The following CATSPER1 variants were observed in gnomAD, a reference collection of about 807,000 sequenced individuals.
CATSPER1 encodes the protein cation channel sperm-associated protein 1.
In CATSPER1, 57 loss-of-function variants were observed where a neutral mutation model predicts 72.7. The observed-to-expected ratio is 0.78, with a 90% confidence interval of 0.63 to 0.98. The LOEUF (loss-of-function observed/expected upper bound fraction) is 0.98, where lower values mean the gene tolerates loss of function less well. CATSPER1 is among the 50% of genes least tolerant of loss of function. CATSPER1 has a pLI of 0.00. For synonymous variants in CATSPER1, 363 were observed against 403.0 expected (o/e 0.90, Z 1.19); for missense variants, 910 against 1,033.9 (o/e 0.88, Z 1.64).
Position 66,026,183 on chromosome 11 carries a change from A to T in CATSPER1, c.197T>A (p.Phe66Tyr), listed in dbSNP as rs758055501. The change falls in exon 1 of 12, where the codon TTC becomes TAC. Residue 66 changes from phenylalanine to tyrosine, a missense_variant. Coordinates refer to ENST00000312106, the MANE Select transcript of CATSPER1 (RefSeq NM_053054.4). ...ATGGGAGGACAAGGCTTGGTCGTGG[A>T]AGTCTTGGAACTCCGGAGGGTGGTG... is the stretch of plus-strand genomic sequence containing the variant. Reference protein sequence around the residue: ...ESHHPPEFQDFHDQALSSHVH... With the variant: ...ESHHPPEFQDYHDQALSSHVH... The T allele has an allele frequency of 1.6e-5, 25 of 1,606,520 alleles. No individual in the cohort carries two copies. Among genetic ancestry groups the T allele is most frequent in the Non-Finnish European group, 1.7e-6 (2 of 1,174,018 alleles).
chr11:66,017,243 C>A, intron 10 of CATSPER1, 69 bp from the exon 11 acceptor site: 1 of 1,105,868 alleles, frequency 9.0e-7, no homozygotes, highest in Non-Finnish European at 1.3e-6. Context: ...TACTGCACCC[C>A]AGAACCACCC....
At chr11:66,023,466 G>T (rs140647274) in intron 1 of CATSPER1, among the ~76,000 whole-genome samples, 3 of 152,134 alleles carry the variant, frequency 2.0e-5, no homozygotes, top group Non-Finnish European at 4.4e-5. Context: ...ACACAAGCCC[G>T]GATTCCCAGG....
At position 66,017,050 on chromosome 11, in the gene CATSPER1, C is replaced by T. The variant is rs1397262063; in HGVS notation, c.2316+10G>A. ...CCTCGCCGGCCCCTTCCCGCTCCTG[C>T]CTGGTTCACCTCAAATGTGGTGTCC... On this transcript the variant is annotated intron_variant, in intron 11 of 11. Transcript: ENST00000312106. 6.2e-7 allele frequency: 1 copy of T among 1,613,834 alleles called. No individual in the cohort carries two copies. The highest frequency in any genetic ancestry group is 2.2e-5 in the East Asian group (1 of 44,874).
chr11:66,020,023 T>C lies in CATSPER1; in HGVS notation c.2125+117A>G. ...ACTAAAGTCCTCCTGAGTCTCAAAT[T>C]CTAAAACTCTAAAACTGAGTCTGGA... On this transcript the variant is annotated intron_variant, in intron 9 of 11. Transcript: ENST00000312106. The surrounding 1 kb of genome is among the most constrained non-coding windows in gnomAD (Gnocchi z 4.5). 8.7e-7 allele frequency: 1 copy of C among 1,143,318 alleles called. No homozygotes were observed. The highest frequency in any genetic ancestry group is 1.3e-6 in the Non-Finnish European group (1 of 783,300). 70.8% of individuals were successfully genotyped at this position (1,143,318 alleles called of 1,614,324 possible).
Position 66,020,339 on chromosome 11 carries a change from C to G in CATSPER1, c.2042G>C (p.Gly681Ala), listed in dbSNP as rs955708654. The G allele has an allele frequency of 6.2e-7, 1 of 1,614,140 alleles. No individual in the cohort carries two copies. The highest frequency in any genetic ancestry group is 8.5e-7 in the Non-Finnish European group (1 of 1,180,044). Residue 681 changes from glycine to alanine, a missense_variant, in exon 8 of 12, where the codon GGC becomes GCC. Physicochemically the swap from Gly to Ala is moderately conservative, Grantham distance 60. Transcript: ENST00000312106. The surrounding 1 kb of genome is among the most constrained non-coding windows in gnomAD (Gnocchi z 4.5). Reference protein sequence around the residue: ...VDSFQTALFKGLEKAKQERAA... With the variant: ...VDSFQTALFKALEKAKQERAA... ...TACCTCCTGCTTCGCTTTCTCAAGG[C>G]CTTTGAACAGCGCCGTCTGGAAGCT...
chr11:66,020,440 G>A lies in CATSPER1; in HGVS notation c.1992-51C>T, dbSNP rs1452741901. ...CTCAGCGAGGAGGCCAGAGGAGAGG[G>A]GCACCCGGTACTTCTTGTGGGTTCA... On this transcript the variant is annotated intron_variant, in intron 7 of 11. Transcript: ENST00000312106. This position sits in a 1 kb window ranked among gnomAD's most constrained non-coding sequence, Gnocchi z 4.5. 6.2e-7 allele frequency: 1 copy of A among 1,610,854 alleles called. No individual in the cohort carries two copies. Among genetic ancestry groups the A allele is most frequent in the Non-Finnish European group, 8.5e-7 (1 of 1,177,260 alleles).
chr11:66,017,070 G>A lies in CATSPER1; in HGVS notation c.2306C>T (p.Thr769Ile). 6.2e-7 allele frequency: 1 copy of A among 1,613,938 alleles called. No individual in the cohort carries two copies. The change falls in exon 11 of 12, where the codon ACC becomes ATC. Residue 769 changes from threonine to isoleucine, a missense_variant. Coordinates refer to ENST00000312106, the MANE Select transcript of CATSPER1 (RefSeq NM_053054.4). ...QAAVIDEIVD[T>I]TFEAGEEDFR... The stretch of plus-strand genomic sequence containing the variant: ...TCCTGCCTGGTTCACCTCAAATGTG[G>A]TGTCCACAATCTCATCGATGACGGC...
At position 66,017,092 on chromosome 11, in the gene CATSPER1, C is replaced by G. The variant is rs142726200; in HGVS notation, c.2284G>C (p.Val762Leu). 1.9e-6 allele frequency: 3 copies of G among 1,569,454 alleles called. No individual in the cohort carries two copies. Among genetic ancestry groups the G allele is most frequent in the Non-Finnish European group, 2.6e-6 (3 of 1,151,548 alleles). ...GTGGTGTCCACAATCTCATCGATGA[C>G]GGCTGCCTGGGAGCGGAACTTCTGC... Reference protein sequence around the residue: ...EQQKFRSQAAVIDEIVDTTFE... With the variant: ...EQQKFRSQAALIDEIVDTTFE... Residue 762 changes from valine to leucine, a missense_variant, in exon 11 of 12, where the codon GTC becomes CTC. By Grantham distance (32) the Val-to-Leu change is conservative (BLOSUM62 1). Coordinates refer to ENST00000312106, the MANE Select transcript of CATSPER1 (RefSeq NM_053054.4).
At chr11:66,022,666 C>T (rs914965332) in intron 2 of CATSPER1, among the ~76,000 whole-genome samples, 183 bp downstream of exon 2, 2 of 152,270 alleles carry the variant, frequency 1.3e-5, no homozygotes, top group Non-Finnish European at 2.9e-5. Flanking sequence ...CCTTCTGTCT[C>T]GGGCCGGCCT....
chr11:66,023,754 T>G (rs1856429978), intron 1 of CATSPER1, among the ~76,000 whole-genome samples: 1 of 151,732 alleles, frequency 6.6e-6, no homozygotes, highest in Non-Finnish European at 1.5e-5. Context: ...GGGCTCCCAC[T>G]CCTATGCCTC....
intron 1 of CATSPER1, among the ~76,000 whole-genome samples, chr11:66,024,927 C>CATATTATCA (rs1488041659): frequency 3.9e-5 from 6 of 152,134 alleles, no homozygotes; most frequent in African/African-American, 1.4e-4. Context: ...GACTGGTAGA[C>CATATTATCA]ATATGAATAA....
In CATSPER1 at chr11:66,017,193, G is replaced by GGGGGGGGGGGGGGGGGGGGGGGCC; in HGVS notation, c.2202-20_2202-19insGGCCCCCCCCCCCCCCCCCCCCCC. On this transcript the variant is annotated intron_variant, in intron 10 of 11. Transcript: ENST00000312106. Reference sequence around the variant, plus strand: ...CTGCTGCCTGCGGGTGGGCGGGGGGGTCGCAGAGACAGGGGCTGGGCTGAC... The same window carrying GGGGGGGGGGGGGGGGGGGGGGGCC: ...CTGCTGCCTGCGGGTGGGCGGGGGGGGGGGGGGGGGGGGGGGGGGGGGCCTCGCAGAGACAGGGGCTGGGCTGAC... The GGGGGGGGGGGGGGGGGGGGGGGCC allele has an allele frequency of 2.0e-6, 1 of 493,788 alleles. No homozygotes were observed. The highest frequency in any genetic ancestry group is 4.0e-6 in the Non-Finnish European group (1 of 252,598). 30.6% of individuals were successfully genotyped at this position (493,788 alleles called of 1,614,324 possible). A position where few individuals can be genotyped will look rare whatever the true frequency, so the allele number is the denominator to read the frequency against.
Position 66,017,194 on chromosome 11 carries a change from T to TGGGGGGGGGGGA in CATSPER1, c.2202-21_2202-20insTCCCCCCCCCCC. 1 of 550,276 alleles carries TGGGGGGGGGGGA rather than the reference T, an allele frequency of 1.8e-6. No homozygotes were observed. Among genetic ancestry groups the TGGGGGGGGGGGA allele is most frequent in the Non-Finnish European group, 3.4e-6 (1 of 295,852 alleles). The allele number at this position is 550,276 out of a possible 1,614,324, so 34.1% of individuals were successfully genotyped here. A position where few individuals can be genotyped will look rare whatever the true frequency, so the allele number is the denominator to read the frequency against. ...TGCTGCCTGCGGGTGGGCGGGGGGG[T>TGGGGGGGGGGGA]CGCAGAGACAGGGGCTGGGCTGACC... On this transcript the variant is annotated intron_variant, in intron 10 of 11. Transcript: ENST00000312106.
Position 66,017,193 on chromosome 11 carries a change from G to GTGGGGGGGGGGGGGGGGGGGGGGGGC in CATSPER1, c.2202-20_2202-19insGCCCCCCCCCCCCCCCCCCCCCCCCA. ...CTGCTGCCTGCGGGTGGGCGGGGGG[G>GTGGGGGGGGGGGGGGGGGGGGGGGGC]TCGCAGAGACAGGGGCTGGGCTGAC... is the stretch of plus-strand genomic sequence containing the variant. On this transcript the variant is annotated intron_variant, in intron 10 of 11. Transcript: ENST00000312106. 2.0e-6 allele frequency: 1 copy of GTGGGGGGGGGGGGGGGGGGGGGGGGC among 493,814 alleles called. No individual in the cohort carries two copies. The highest frequency in any genetic ancestry group is 4.0e-6 in the Non-Finnish European group (1 of 252,620). 30.6% of individuals were successfully genotyped at this position (493,814 alleles called of 1,614,324 possible). A position where few individuals can be genotyped will look rare whatever the true frequency, so the allele number is the denominator to read the frequency against.
At position 66,026,069 on chromosome 11, in the gene CATSPER1, G is replaced by A; in HGVS notation, c.311C>T (p.Ala104Val). ...TGFGLAPSQG[A>V]VPSHRSYGED... ...ACCGTAGGAACGGTGGGAGGGGACGGCGCCTTGAGAGGGAGCCAGACCAAA... is the reference window on the plus strand; with the variant it reads ...ACCGTAGGAACGGTGGGAGGGGACGACGCCTTGAGAGGGAGCCAGACCAAA... The change falls in exon 1 of 12, where the codon GCC becomes GTC. Residue 104 changes from alanine to valine, a missense_variant. By Grantham distance (64) the Ala-to-Val change is moderately conservative. Coordinates refer to ENST00000312106, the MANE Select transcript of CATSPER1 (RefSeq NM_053054.4). 1 of 1,613,834 alleles carries A rather than the reference G, an allele frequency of 6.2e-7. No homozygotes were observed. The highest frequency in any genetic ancestry group is 8.5e-7 in the Non-Finnish European group (1 of 1,179,862).
chr11:66,021,514 C>A lies in CATSPER1; in HGVS notation c.1673G>T (p.Arg558Leu), dbSNP rs765046118. The change falls in exon 4 of 12, where the codon CGG (arginine) becomes CTG (leucine). Residue 558 changes from arginine to leucine, a missense_variant. Arg to Leu is a moderately radical substitution (Grantham distance 102, BLOSUM62 -2). Coordinates refer to ENST00000312106, the MANE Select transcript of CATSPER1 (RefSeq NM_053054.4). The stretch of plus-strand genomic sequence containing the variant: ...CACTGACCTGAGCCTCCGCAGGACC[C>A]GGATTGCCCTCAGGGCCCGCAGGCT... Reference protein sequence around the residue: ...FKSLRALRAIRVLRRLSFLTS... With the variant: ...FKSLRALRAILVLRRLSFLTS... The A allele has an allele frequency of 6.2e-7, 1 of 1,613,636 alleles. No individual in the cohort carries two copies. The highest frequency in any genetic ancestry group is 2.2e-5 in the East Asian group (1 of 44,888).
intron 1 of CATSPER1, among the ~76,000 whole-genome samples, chr11:66,023,525 T>C (rs1205711483): frequency 2.0e-5 from 3 of 152,118 alleles, no homozygotes; most frequent in Non-Finnish European, 2.9e-5. Flanking sequence ...TACTGCTCTA[T>C]GTCTCAGTTT....
chr11:66,020,284 G>T lies in CATSPER1; in HGVS notation c.2064+33C>A, dbSNP rs1032676578. 2.5e-6 allele frequency: 4 copies of T among 1,613,990 alleles called. No individual in the cohort carries two copies. The highest frequency in any genetic ancestry group is 3.4e-6 in the Non-Finnish European group (4 of 1,179,882). On this transcript the variant is annotated intron_variant, in intron 8 of 11. Coordinates refer to ENST00000312106, the MANE Select transcript of CATSPER1 (RefSeq NM_053054.4). The surrounding 1 kb of genome is among the most constrained non-coding windows in gnomAD (Gnocchi z 4.5). ...CCTGGCCTCACTCCTCCAGCTTCCT[G>T]ATCTGGTCCACCTGTCCCACCCCAC...
At chr11:66,022,826 G>C in intron 2 of CATSPER1, 23 bp downstream of exon 2, 2 of 1,613,214 alleles carry the variant, frequency 1.2e-6, no homozygotes, top group Non-Finnish European at 1.7e-6. Context: ...TTCTCCATGG[G>C]AACAGGACTC....
Sources: gnomAD v4.1 joint callset for allele counts (sites outside exome capture counted in the v4.1 genomes callset) on GRCh38, gnomAD v4.1.1 for gene constraint, Gnocchi (gnomAD v3.1) non-coding constraint, MANE v1.5 for transcripts, NCBI Gene and HGNC (gene_info 2026-07-23, HGNC 2026-07-21) for gene names.